ZNF385D: variants seen among roughly 807,000 people sequenced by gnomAD.
The protein encoded by ZNF385D is zinc finger protein 385D, also known as zinc finger protein 659.
Under a neutral mutation model 35.8 loss-of-function variants are expected in ZNF385D, and 15 were observed. The ratio of observed to expected loss-of-function variants is 0.42; its 90% CI spans 0.28 to 0.64. The LOEUF (loss-of-function observed/expected upper bound fraction) is 0.64. Among genes scored for constraint, ZNF385D ranks in the 30% least tolerant of loss-of-function variants. The pLI, the probability that ZNF385D is intolerant of heterozygous loss-of-function variation, is 0.23. For missense variants in ZNF385D, 474 were observed against 494.6 expected, an observed-to-expected ratio of 0.96 and a Z score of 0.39; for synonymous variants, 212 against 186.8, an observed-to-expected ratio of 1.13 and a Z score of -1.10.
intron 3 of ZNF385D, among the ~76,000 whole-genome samples, chr3:22,082,379 A>G (rs561678395): frequency 2.6e-5 from 4 of 152,230 alleles, no homozygotes; most frequent in Admixed American, 2.6e-4. Context: ...GTCTTAGCAA[A>G]TGGCACACCA....
chr3:21,895,827 T>G (rs574936853), intron 3 of ZNF385D, among the ~76,000 whole-genome samples: 1 of 152,200 alleles, frequency 6.6e-6, no homozygotes, highest in South Asian at 2.1e-4. Flanking sequence ...ATGCAGGCAG[T>G]CAAGGGATGT....
At chr3:21,946,254 A>G (rs1035860710) in intron 3 of ZNF385D, among the ~76,000 whole-genome samples, 12 of 152,194 alleles carry the variant, frequency 7.9e-5, no homozygotes, top group Non-Finnish European at 1.6e-4. Context: ...CAATTACAGA[A>G]AGTAAAATAT....
chr3:21,951,099 TG>T (rs1702044975), intron 3 of ZNF385D, among the ~76,000 whole-genome samples: 1 of 151,706 alleles, frequency 6.6e-6, no homozygotes, highest in African/African-American at 2.4e-5. Context: ...AATGGTAGCT[TG>T]ATGGGGATAG....
At chr3:22,185,821 G>A (rs1296519493) in intron 2 of ZNF385D, among the ~76,000 whole-genome samples, 1 of 152,144 alleles carries the variant, frequency 6.6e-6, no homozygotes, top group Non-Finnish European at 1.5e-5. Context: ...GCACCCTGGG[G>A]AGAAAGATGT....
rs577763335 is a variant in ZNF385D, at chr3:21,805,171, G to A, written c.326-140143C>T. ...ATGGTGTGAGAAAACAGTACTAGAT[G>A]CAGTTAATTTAAGAGAAGGTTGTCT... On this transcript the variant is annotated intron_variant, in intron 3 of 5. Coordinates refer to the ZNF385D transcript ENST00000494108. Among the ~76,000 whole-genome samples the A allele has an allele frequency of 2.0e-5, 3 of 152,324 alleles. No homozygotes were observed. In the South Asian group the frequency reaches 6.2e-4, roughly 32 times the overall value.
chr3:22,082,624 G>A (rs970352340), intron 3 of ZNF385D, among the ~76,000 whole-genome samples: 1 of 152,204 alleles, frequency 6.6e-6, no homozygotes, highest in African/African-American at 2.4e-5. Context: ...CTAGGGGCAG[G>A]GCATAGCTGA....
At chr3:22,175,794 A>G (rs905073416) in intron 2 of ZNF385D, among the ~76,000 whole-genome samples, 5 of 151,126 alleles carry the variant, frequency 3.3e-5, no homozygotes, top group Non-Finnish European at 7.4e-5. Flanking sequence ...TTTATGCATC[A>G]TATTTGGAAT....
intron 2 of ZNF385D, among the ~76,000 whole-genome samples, chr3:22,276,824 T>A (rs1307456776): frequency 6.6e-6 from 1 of 152,094 alleles, no homozygotes; most frequent in Admixed American, 6.6e-5. Context: ...AAATATAGAA[T>A]GGAACAAAAT....
intron 2 of ZNF385D, among the ~76,000 whole-genome samples, chr3:22,319,784 T>C (rs1277421087): frequency 6.6e-6 from 1 of 152,188 alleles, no homozygotes; most frequent in African/African-American, 2.4e-5. Context: ...CAAGCTGATA[T>C]TGCACACAAC....
intron 2 of ZNF385D, among the ~76,000 whole-genome samples, chr3:22,317,280 CAAAAA>C (rs59675675): frequency 3.9e-3 from 101 of 26,112 alleles, no homozygotes; most frequent in South Asian, 0.025. Flanking sequence ...ACTCCATCTC[CAAAAA>C]AAAAAAAAAA....
At chr3:22,088,040 C>T (rs1004196620) in intron 3 of ZNF385D, among the ~76,000 whole-genome samples, 3 of 152,134 alleles carry the variant, frequency 2.0e-5, no homozygotes, top group African/African-American at 7.2e-5. Flanking sequence ...AAATCGGATT[C>T]AGCAGCTAGT....
rs59405247 is a variant in ZNF385D, at chr3:21,799,280, G to A, written c.326-134252C>T. Reference sequence around the variant, plus strand: ...TATTCCCATACATGTTTTTTGGAATGCTTGTTTTCTTTTGGGGATCTACCT... The same window carrying A: ...TATTCCCATACATGTTTTTTGGAATACTTGTTTTCTTTTGGGGATCTACCT... On this transcript the variant is annotated intron_variant, in intron 3 of 5. Transcript: ENST00000494108. Among the ~76,000 whole-genome samples the A allele has an allele frequency of 4.1e-3, 617 of 152,264 alleles. 7 individuals carry two copies. The highest frequency in any genetic ancestry group is 0.014 in the African/African-American group (591 of 41,554).
chr3:22,228,280 C>G (rs933677709), intron 2 of ZNF385D, among the ~76,000 whole-genome samples: 2 of 152,080 alleles, frequency 1.3e-5, no homozygotes, highest in Non-Finnish European at 2.9e-5. Context: ...GTGGCAGAGC[C>G]AAATATATAT....
intron 3 of ZNF385D, among the ~76,000 whole-genome samples, chr3:21,894,338 G>A (rs1038723423): frequency 3.9e-5 from 6 of 152,014 alleles, no homozygotes; most frequent in Non-Finnish European, 5.9e-5. Context: ...TGGAGAGCAC[G>A]ATTTGTTAAA....
intron 2 of ZNF385D, among the ~76,000 whole-genome samples, chr3:22,289,263 T>G (rs528384265): frequency 1.3e-5 from 2 of 152,152 alleles, no homozygotes; most frequent in East Asian, 1.9e-4. Flanking sequence ...GACTCAAGCA[T>G]GCAGAGCCTC....
At chr3:21,957,383 G>A (rs906599977) in intron 3 of ZNF385D, among the ~76,000 whole-genome samples, 1 of 152,250 alleles carries the variant, frequency 6.6e-6, no homozygotes, top group African/African-American at 2.4e-5. Flanking sequence ...GGAGCGCTCA[G>A]AAAAAGACAG....
chr3:21,966,396 T>C (rs1040738575), intron 3 of ZNF385D, among the ~76,000 whole-genome samples: 1 of 152,232 alleles, frequency 6.6e-6, no homozygotes, highest in East Asian at 1.9e-4. Flanking sequence ...AGAGAAACTT[T>C]AGGCTGGTAA....
At position 21,415,340 on chromosome 3, in the gene ZNF385D, C is replaced by T. The variant is rs1700547353; in HGVS notation, c.*5874G>A. ...AGTCAGTAGCTGATGTGAAATGATA[C>T]AATTGTATGACCCAACTCAAACTGT... On this transcript the variant is annotated 3_prime_UTR_variant, in exon 8 of 8. Transcript: ENST00000281523. 1 of 152,050 alleles carries T rather than the reference C, an allele frequency of 6.6e-6. No individual in the cohort carries two copies. The highest frequency in any genetic ancestry group is 2.4e-5 in the African/African-American group (1 of 41,408). 9.4% of individuals were successfully genotyped at this position (152,050 alleles called of 1,614,324 possible).
chr3:21,944,001 A>G (rs1701658349), intron 3 of ZNF385D, among the ~76,000 whole-genome samples: 1 of 152,250 alleles, frequency 6.6e-6, no homozygotes, highest in Admixed American at 6.5e-5. Flanking sequence ...TGCATTCAAC[A>G]AACAGAATGA....
Sources: gnomAD v4.1 joint callset for allele counts (sites outside exome capture counted in the v4.1 genomes callset) on GRCh38, gnomAD v4.1.1 for gene constraint, MANE v1.5 for transcripts, NCBI Gene and HGNC (gene_info 2026-07-23, HGNC 2026-07-21) for gene names.